The following MAPK6 variants were observed in gnomAD, a reference collection of about 807,000 sequenced individuals.
MAPK6 encodes the protein mitogen-activated protein kinase 6.
MAPK6 carries 19 observed loss-of-function variants against 59.3 expected under a neutral mutation model. The ratio of observed to expected loss-of-function variants is 0.32; its 90% CI spans 0.22 to 0.47. The LOEUF (loss-of-function observed/expected upper bound fraction) is 0.47, where lower values mean the gene tolerates loss of function less well. Ranked by LOEUF, MAPK6 falls within the 20% of genes least tolerant of loss-of-function variation. MAPK6 has a pLI of 1.00. For missense variants in MAPK6, 724 were observed against 847.9 expected (o/e 0.85, Z 1.81); for synonymous variants, 316 against 290.3 (o/e 1.09, Z -0.90).
intron 1 of MAPK6, among the ~76,000 whole-genome samples, chr15:52,019,646 G>C (rs1040585889): frequency 1.4e-5 from 2 of 146,500 alleles, no homozygotes; most frequent in Non-Finnish European, 3.0e-5. Flanking sequence ...CCCGCGTGGG[G>C]CCGGCCAGGC....
intron 1 of MAPK6, among the ~76,000 whole-genome samples, chr15:51,972,973 C>T (rs1276441663): frequency 6.6e-6 from 1 of 151,800 alleles, no homozygotes; most frequent in African/African-American, 2.4e-5. Context: ...CACGCCACTT[C>T]ACTCTAGCCT....
In MAPK6 at chr15:52,065,075, C is replaced by T. The variant is rs911167500; in HGVS notation, c.*75C>T. The T allele has an allele frequency of 1.5e-6, 2 of 1,360,052 alleles. No individual in the cohort carries two copies. The allele number at this position is 1,360,052 out of a possible 1,614,324, so 84.2% of individuals were successfully genotyped here. A position where few individuals can be genotyped will look rare whatever the true frequency, so the allele number is the denominator to read the frequency against. ...CTTTTTTTATTACTAGTGTTTAAGT[C>T]ATTTTTTACTTGAATCAGATGGTGT... On this transcript the variant is annotated 3_prime_UTR_variant, in exon 6 of 6. Transcript: ENST00000261845.
chr15:52,025,279 A>G (rs1428666789), intron 1 of MAPK6, among the ~76,000 whole-genome samples: 1 of 152,128 alleles, frequency 6.6e-6, no homozygotes, highest in Non-Finnish European at 1.5e-5. Context: ...AATGATGCAT[A>G]CATGGTTGCT....
upstream of MAPK6, among the ~76,000 whole-genome samples, chr15:52,015,639 A>AT (rs1413604414): frequency 4.0e-5 from 6 of 150,340 alleles, no homozygotes; most frequent in East Asian, 2.0e-4. Context: ...CGCCCGGCTA[A>AT]TTTTTTTTGT....
Position 52,064,503 on chromosome 15 carries a change from G to T in MAPK6, c.1669G>T (p.Val557Leu). 4 of 1,609,732 alleles carry T rather than the reference G, an allele frequency of 2.5e-6. No individual in the cohort carries two copies. Among genetic ancestry groups the T allele is most frequent in the Non-Finnish European group, 3.4e-6 (4 of 1,178,910 alleles). Residue 557 changes from valine to leucine, a missense_variant, in exon 6 of 6, where the codon GTG becomes TTG. Val to Leu is a conservative substitution (Grantham distance 32). Transcript: ENST00000261845. ...VDKLNDLNSS[V>L]SQLELKSLIS... ...TAAATTAAATGACTTGAATAGCTCA[G>T]TGTCCCAACTAGAATTGAAAAGTTT... is the stretch of plus-strand genomic sequence containing the variant.
Position 52,061,429 on chromosome 15 carries a change from T to C in MAPK6, c.996T>C (p.Phe332=), listed in dbSNP as rs1206871429. 2 of 1,613,936 alleles carry C rather than the reference T, an allele frequency of 1.2e-6. No homozygotes were observed. Among genetic ancestry groups the C allele is most frequent in the Non-Finnish European group, 1.7e-6 (2 of 1,179,808 alleles). ...ATGAGCCAATTTCAAGCCATCCTTT[T>C]CATATTGAAGATGAAGTTGATGATA... ...PMDEPISSHP[F]HIEDEVDDIL... is the part of the protein sequence containing the mutation. Residue 332 remains phenylalanine, a synonymous_variant, in exon 5 of 6, where the codon TTT becomes TTC. Coordinates refer to ENST00000261845, the MANE Select transcript of MAPK6 (RefSeq NM_002748.4).
intron 1 of MAPK6, among the ~76,000 whole-genome samples, chr15:52,040,060 A>T (rs1031987653): frequency 6.6e-6 from 1 of 152,192 alleles, no homozygotes; most frequent in Non-Finnish European, 1.5e-5. Flanking sequence ...CCCACCATAC[A>T]TTAGGAGCAA....
chr15:52,046,847 C>T lies in MAPK6; in HGVS notation c.387C>T (p.Ala129=). The T allele has an allele frequency of 6.2e-7, 1 of 1,613,948 alleles. No homozygotes were observed. The highest frequency in any genetic ancestry group is 1.1e-5 in the South Asian group (1 of 91,048). ...AGGGCCCTTTACTGGAAGAGCATGC[C>T]AGGCTTTTCATGTATCAGCTGCTAC... ...LEQGPLLEEH[A]RLFMYQLLRG... The change falls in exon 2 of 6, where the codon GCC becomes GCT. Residue 129 remains alanine, a synonymous_variant. Coordinates refer to ENST00000261845, the MANE Select transcript of MAPK6 (RefSeq NM_002748.4).
chr15:51,981,910 G>C (rs2057174700), intron 1 of MAPK6, among the ~76,000 whole-genome samples: 1 of 152,028 alleles, frequency 6.6e-6, no homozygotes, highest in Non-Finnish European at 1.5e-5. Flanking sequence ...AGAAAGGACG[G>C]AAAAAAATAG....
chr15:52,046,483 T>C lies in MAPK6; in HGVS notation c.23T>C (p.Leu8Pro). MAEKFES[L>P]MNIHGFDLGS... ...AAAATGGCAGAGAAATTTGAAAGTCTCATGAACATTCATGGTTTTGATCTG... is the reference window on the plus strand; with the variant it reads ...AAAATGGCAGAGAAATTTGAAAGTCCCATGAACATTCATGGTTTTGATCTG... Residue 8 changes from leucine (L) to proline (P), a missense_variant, in exon 2 of 6, where the codon CTC becomes CCC. Leu to Pro is a moderately conservative substitution (Grantham distance 98). Coordinates refer to ENST00000261845, the MANE Select transcript of MAPK6 (RefSeq NM_002748.4). The C allele has an allele frequency of 6.2e-7, 1 of 1,605,718 alleles. No individual in the cohort carries two copies. Among genetic ancestry groups the C allele is most frequent in the Non-Finnish European group, 8.5e-7 (1 of 1,176,944 alleles).
chr15:52,064,776 G>C lies in MAPK6; in HGVS notation c.1942G>C (p.Glu648Gln). Residue 648 changes from glutamate to glutamine, a missense_variant, in exon 6 of 6, where the codon GAG becomes CAG. Physicochemically the swap from Glu to Gln is conservative, Grantham distance 29. This residue lies in a region of MAPK6 where 502 missense variants were observed against 507.6 expected (regional missense o/e 0.99). Coordinates refer to ENST00000261845, the MANE Select transcript of MAPK6 (RefSeq NM_002748.4). Reference protein sequence around the residue: ...DTEMLETEPVEDGKLGERGHE... With the variant: ...DTEMLETEPVQDGKLGERGHE... ...TGAAATGCTAGAAACTGAGCCAGTA[G>C]AGGATGGGAAGCTTGGGGAGAGAGG... 1.2e-6 allele frequency: 2 copies of C among 1,611,944 alleles called. No individual in the cohort carries two copies. Among genetic ancestry groups the C allele is most frequent in the Non-Finnish European group, 8.5e-7 (1 of 1,179,790 alleles).
intron 1 of MAPK6, among the ~76,000 whole-genome samples, chr15:52,042,516 T>C (rs1878018445): frequency 1.3e-5 from 2 of 151,872 alleles, no homozygotes; most frequent in South Asian, 4.2e-4. Context: ...TTCTAGTTTG[T>C]GAGGCTTGGT....
At chr15:51,971,904 T>C in exon 1 of MAPK6, 1 of 699,920 alleles carries the variant, frequency 1.4e-6, no homozygotes, top group Non-Finnish European at 2.5e-6. Flanking sequence ...TGTTCTCGCC[T>C]GGGTATGCAT....
intron 2 of MAPK6, among the ~76,000 whole-genome samples, chr15:51,993,540 G>A (rs1377998126): frequency 6.6e-6 from 1 of 152,094 alleles, no homozygotes; most frequent in African/African-American, 2.4e-5. Context: ...GAATTATTTG[G>A]TGTTGGATTA....
In MAPK6 at chr15:52,065,980, T is replaced by A. The variant is rs1325734263; in HGVS notation, c.*980T>A. The A allele has an allele frequency of 3.3e-5, 5 of 152,568 alleles. No individual in the cohort carries two copies. The highest frequency in any genetic ancestry group is 2.0e-4 in the Admixed American group (3 of 15,268). The allele number at this position is 152,568 out of a possible 1,614,324, so 9.5% of individuals were successfully genotyped here. On this transcript the variant is annotated 3_prime_UTR_variant, in exon 6 of 6. Coordinates refer to ENST00000261845, the MANE Select transcript of MAPK6 (RefSeq NM_002748.4). ...AGAAGTCTTAATTGTGTTTATTTTT[T>A]AAAAAAACAAATGTTAGACTTGTGT...
At chr15:52,007,402 TGCTGCTAA>T (rs952238515) in intron 3 of MAPK6, among the ~76,000 whole-genome samples, 115 of 152,286 alleles carry the variant, frequency 7.6e-4, no homozygotes, top group African/African-American at 2.6e-3. Flanking sequence ...AAAATAAAAA[TGCTGCTAA>T]GCTAGTTAAG....
intron 2 of MAPK6, among the ~76,000 whole-genome samples, chr15:51,993,790 T>C (rs2057216722): frequency 6.6e-6 from 1 of 151,188 alleles, no homozygotes; most frequent in Non-Finnish European, 1.5e-5. Context: ...TTCTTTCTTT[T>C]CTTTTTTCTT....
chr15:52,059,153 G>A (rs1356075857), intron 4 of MAPK6, among the ~76,000 whole-genome samples: 2 of 152,162 alleles, frequency 1.3e-5, no homozygotes, highest in South Asian at 2.1e-4. Flanking sequence ...CGGTTTTGCA[G>A]GCTTTTCAGT....
At chr15:52,041,909 A>T (rs11070876) in intron 1 of MAPK6, among the ~76,000 whole-genome samples, 54,879 of 151,852 alleles carry the variant, frequency 0.36, 10,823 homozygotes, top group Non-Finnish European at 0.43. Context: ...TTTTCTTTTT[A>T]AAAAAATTGT....
Sources: gnomAD v4.1 joint callset for allele counts (sites outside exome capture counted in the v4.1 genomes callset) on GRCh38, gnomAD v4.1.1 for gene constraint, gnomAD v4.1.1 regional missense constraint, MANE v1.5 for transcripts, NCBI Gene and HGNC (gene_info 2026-07-23, HGNC 2026-07-21) for gene names.